The following NTN1 variants were observed in gnomAD, a reference collection of about 807,000 sequenced individuals.
NTN1 encodes netrin-1.
A neutral mutation model predicts 54.2 loss-of-function variants in NTN1; 11 were observed. The ratio of observed to expected loss-of-function variants is 0.20; its 90% CI spans 0.13 to 0.34. The LOEUF is 0.34. Among genes scored for constraint, NTN1 ranks in the 10% least tolerant of loss-of-function variants. The probability of loss-of-function intolerance (pLI) is 1.00; values close to 1 mark genes in which losing one functional copy is unlikely to be tolerated. For synonymous variants in NTN1, 371 were observed against 382.0 expected (o/e 0.97, Z 0.33); for missense variants, 740 against 893.1 (o/e 0.83, Z 2.18).
At chr17:9,193,070 ACT>A (rs1308708516) in intron 5 of NTN1, among the ~76,000 whole-genome samples, 3 of 120,022 alleles carry the variant, frequency 2.5e-5, no homozygotes, top group African/African-American at 1.0e-4. Flanking sequence ...ACAGAGTGAG[ACT>A]CTGTCTCAAA....
At chr17:9,088,657 C>A (rs947036368) in intron 2 of NTN1, among the ~76,000 whole-genome samples, 1 of 152,152 alleles carries the variant, frequency 6.6e-6, no homozygotes, top group Non-Finnish European at 1.5e-5. Flanking sequence ...CGTTCACATG[C>A]CACAGATGGA....
intron 6 of NTN1, among the ~76,000 whole-genome samples, chr17:9,235,495 A>C (rs1009636535): frequency 3.3e-5 from 5 of 152,138 alleles, no homozygotes; most frequent in African/African-American, 1.2e-4. Context: ...GGTGAGTTTC[A>C]TCGTGTGGGT....
chr17:9,026,424 A>G (rs1386762027), intron 2 of NTN1, among the ~76,000 whole-genome samples: 2 of 151,982 alleles, frequency 1.3e-5, no homozygotes, highest in African/African-American at 2.4e-5. Flanking sequence ...TCAAAACAAT[A>G]TGAAAGACAA....
chr17:9,098,681 A>T (rs1204084556), intron 2 of NTN1, among the ~76,000 whole-genome samples: 2 of 152,132 alleles, frequency 1.3e-5, no homozygotes, highest in African/African-American at 4.8e-5. Flanking sequence ...AAGCACCCCC[A>T]GTAGCTGGGG....
At chr17:9,010,585 A>G in the NTN1 span, among the ~76,000 whole-genome samples, 1 of 152,238 alleles carries the variant, frequency 6.6e-6, no homozygotes, top group East Asian at 1.9e-4. Context: ...GATTTGAAGA[A>G]GACTCTTAAT....
rs577277656 is a variant in NTN1 at position 9,063,174 on chromosome 17, GCAACCTCCACCTCCCGGGTT to G, written c.1018+39787_1018+39806del. Among the ~76,000 whole-genome samples, 1,418 of 151,430 alleles carry G rather than the reference GCAACCTCCACCTCCCGGGTT, an allele frequency of 9.4e-3. 24 individuals are homozygous for G. The highest frequency in any genetic ancestry group is 0.033 in the African/African-American group (1,362 of 41,218). ...TGCAGTGGCACAATCTTGGCTCACTGCAACCTCCACCTCCCGGGTTCAAGTGATTATCCTGCCTCAGCCTC... is the reference window on the plus strand; with the variant it reads ...TGCAGTGGCACAATCTTGGCTCACTGCAAGTGATTATCCTGCCTCAGCCTC... On this transcript the variant is annotated intron_variant, in intron 2 of 6. Transcript: ENST00000173229.
At chr17:9,147,438 C>G (rs2092316953) in intron 2 of NTN1, among the ~76,000 whole-genome samples, 1 of 152,180 alleles carries the variant, frequency 6.6e-6, no homozygotes. Flanking sequence ...TGGCATGAAC[C>G]TGTGGGCAGA....
chr17:9,014,777 C>T, the NTN1 span, among the ~76,000 whole-genome samples: 1 of 152,330 alleles, frequency 6.6e-6, no homozygotes, highest in East Asian at 1.9e-4. Context: ...GAAGCACAGT[C>T]CATCCAGACC....
intron 6 of NTN1, among the ~76,000 whole-genome samples, chr17:9,238,200 G>A (rs1435085366): frequency 6.6e-6 from 1 of 152,150 alleles, no homozygotes; most frequent in Non-Finnish European, 1.5e-5. Context: ...TCCATTGTCT[G>A]GAGTGGTAAG....
chr17:9,168,874 T>C (rs2092379894), intron 3 of NTN1, among the ~76,000 whole-genome samples: 1 of 152,180 alleles, frequency 6.6e-6, no homozygotes. Context: ...GTTGGTCATC[T>C]GAGGCAGGAA....
chr17:9,176,662 G>C (rs181549319), intron 3 of NTN1: 1 of 152,376 alleles, frequency 6.6e-6, no homozygotes, highest in East Asian at 1.9e-4. Flanking sequence ...CCTTTGGCTG[G>C]AGATTGAGAA....
chr17:9,054,130 G>A (rs2091970095), intron 2 of NTN1, among the ~76,000 whole-genome samples: 1 of 152,224 alleles, frequency 6.6e-6, no homozygotes, highest in Admixed American at 6.5e-5. Flanking sequence ...GGAACGAAGG[G>A]CGGACAGTGA....
At chr17:9,045,415 A>G (rs1054961137) in intron 2 of NTN1, among the ~76,000 whole-genome samples, 3 of 152,194 alleles carry the variant, frequency 2.0e-5, no homozygotes, top group Non-Finnish European at 2.9e-5. Flanking sequence ...CACCCCCGGG[A>G]GCTCTCAGCT....
chr17:9,044,946 T>C (rs2091936875), intron 2 of NTN1, among the ~76,000 whole-genome samples: 1 of 152,204 alleles, frequency 6.6e-6, no homozygotes, highest in Admixed American at 6.5e-5. Context: ...GGTTAATTTG[T>C]ACAGATACAG....
intron 2 of NTN1, among the ~76,000 whole-genome samples, chr17:9,028,494 C>G (rs918516894): frequency 1.3e-5 from 2 of 152,212 alleles, no homozygotes; most frequent in Admixed American, 6.5e-5. Context: ...TTTCCAGGCT[C>G]TGCCGTGCTC....
At chr17:9,202,110 A>G (rs143271302) in intron 5 of NTN1, among the ~76,000 whole-genome samples, 3,175 of 143,678 alleles carry the variant, frequency 0.022, 109 homozygotes, top group African/African-American at 0.074. Context: ...GTATGGTGGT[A>G]CGCACCTGTA....
chr17:9,082,712 C>CTT (rs574255075), intron 2 of NTN1, among the ~76,000 whole-genome samples: 11,990 of 141,062 alleles, frequency 0.085, 933 homozygotes, highest in African/African-American at 0.2. Context: ...AGTTTCTCGC[C>CTT]TTTTTTTTTT....
chr17:9,047,550 C>T (rs967512761), intron 2 of NTN1, among the ~76,000 whole-genome samples: 4 of 147,284 alleles, frequency 2.7e-5, no homozygotes, highest in African/African-American at 1.0e-4. Context: ...ACTTCTATTT[C>T]TAGTTCTTTT....
rs540107120 is a variant in NTN1, at chr17:9,105,832, G to A, written c.1019-56981G>A. On this transcript the variant is annotated intron_variant, in intron 2 of 6. Coordinates refer to ENST00000173229, the MANE Select transcript of NTN1 (RefSeq NM_004822.3). Reference sequence around the variant, plus strand: ...ATGTGCAGGTGAGCTGGATAAGTAGGCAGCCTAAAGACAGAGGGAGGTGGG... The same window carrying A: ...ATGTGCAGGTGAGCTGGATAAGTAGACAGCCTAAAGACAGAGGGAGGTGGG... Among the ~76,000 whole-genome samples the A allele has an allele frequency of 2.0e-5, 3 of 152,036 alleles. No homozygotes were observed. In the East Asian group the frequency reaches 5.8e-4, roughly 29 times the overall value.
Sources: allele counts gnomAD v4.1 joint callset (sites outside exome capture counted in the v4.1 genomes callset), GRCh38; gene constraint gnomAD v4.1.1; transcripts MANE v1.5; gene names NCBI Gene and HGNC (gene_info 2026-07-23, HGNC 2026-07-21).